CLYBL: variants seen among roughly 807,000 people sequenced by gnomAD.
CLYBL encodes citramalyl-CoA lyase, also known as citramalyl-CoA lyase, mitochondrial.
In CLYBL, 31 loss-of-function variants were observed where a neutral mutation model predicts 38.9. That is an observed-to-expected ratio of 0.80 (90% CI 0.60 to 1.08). The LOEUF is 1.08. Among genes scored for constraint, CLYBL ranks in the 50% least tolerant of loss-of-function variants. The pLI is 0.00. For synonymous variants in CLYBL, 171 were observed against 158.6 expected, an observed-to-expected ratio of 1.08 and a Z score of -0.59; for missense variants, 434 against 411.6, an observed-to-expected ratio of 1.05 and a Z score of -0.47.
chr13:99,788,276 C>G (rs1404825702), intron 2 of CLYBL, among the ~76,000 whole-genome samples: 3 of 152,136 alleles, frequency 2.0e-5, no homozygotes, highest in Admixed American at 2.0e-4. Context: ...CTGTCTTGTG[C>G]CAGTTTTCAA....
chr13:99,813,292 C>G (rs992595411), intron 2 of CLYBL, among the ~76,000 whole-genome samples: 2 of 152,188 alleles, frequency 1.3e-5, no homozygotes, highest in African/African-American at 4.8e-5. Context: ...TCATTTGCAT[C>G]TGACATTAAT....
intron 1 of CLYBL, among the ~76,000 whole-genome samples, chr13:99,757,560 ATTC>A (rs1566314576): frequency 1.3e-5 from 2 of 152,056 alleles, no homozygotes; most frequent in Non-Finnish European, 2.9e-5. Flanking sequence ...GGTTCAAGTG[ATTC>A]TCCTGCCTTG....
chr13:99,707,379 C>T (rs1307029995), intron 1 of CLYBL, among the ~76,000 whole-genome samples: 1 of 152,076 alleles, frequency 6.6e-6, no homozygotes, highest in Admixed American at 6.6e-5. Context: ...AAGCAATTCT[C>T]CTGCCTCAGC....
chr13:99,897,109 A>T (rs117962890), downstream of CLYBL: 4,569 of 152,334 alleles, frequency 0.03, 104 homozygotes, highest in South Asian at 0.055. Context: ...ATTAGGAATT[A>T]AAAACGTTTG....
intron 1 of CLYBL, among the ~76,000 whole-genome samples, chr13:99,607,940 C>T (rs1293541516): frequency 1.3e-5 from 2 of 151,942 alleles, no homozygotes; most frequent in East Asian, 1.9e-4. Flanking sequence ...GACAGAGTTT[C>T]GCCATGTTGG....
chr13:99,791,802 G>C (rs1350339370), intron 2 of CLYBL, among the ~76,000 whole-genome samples: 3 of 152,156 alleles, frequency 2.0e-5, no homozygotes, highest in African/African-American at 7.2e-5. Flanking sequence ...TCAAGTCTCT[G>C]GTGATTGATT....
At chr13:99,691,597 C>A (rs796121889) in intron 1 of CLYBL, among the ~76,000 whole-genome samples, 4 of 151,392 alleles carry the variant, frequency 2.6e-5, no homozygotes, top group South Asian at 2.1e-4. Context: ...AAAAAAAAAA[C>A]CAAAAAACAA....
At chr13:99,784,890 A>AT (rs918879099) in intron 2 of CLYBL, among the ~76,000 whole-genome samples, 11 of 151,316 alleles carry the variant, frequency 7.3e-5, no homozygotes, top group Non-Finnish European at 1.0e-4. Context: ...ATCCTTTGAC[A>AT]TTTTTTTTTG....
intron 2 of CLYBL, among the ~76,000 whole-genome samples, chr13:99,824,960 A>T (rs2139048487): frequency 6.6e-6 from 1 of 152,160 alleles, no homozygotes; most frequent in East Asian, 1.9e-4. Context: ...CCCACTCTTC[A>T]TTGGGCAGAG....
downstream of CLYBL, among the ~76,000 whole-genome samples, chr13:99,899,004 T>G (rs1353664629): frequency 6.6e-6 from 1 of 152,186 alleles, no homozygotes; most frequent in Non-Finnish European, 1.5e-5. Flanking sequence ...CCTCCTCCAC[T>G]TAGGTTCTGA....
At chr13:99,668,413 C>T (rs1301212826) in intron 1 of CLYBL, among the ~76,000 whole-genome samples, 2 of 152,106 alleles carry the variant, frequency 1.3e-5, no homozygotes, top group Non-Finnish European at 2.9e-5. Context: ...GGTGAAACCC[C>T]ATCTCTATTA....
chr13:99,907,476 G>A (rs914996111), intron 9 of CLYBL, among the ~76,000 whole-genome samples: 3 of 151,880 alleles, frequency 2.0e-5, no homozygotes, highest in Non-Finnish European at 2.9e-5. Context: ...GTTAGCAATT[G>A]TAGTGTTTGG....
chr13:99,769,181 T>G (rs1211503232), intron 1 of CLYBL, among the ~76,000 whole-genome samples: 3 of 152,336 alleles, frequency 2.0e-5, no homozygotes, highest in Admixed American at 6.5e-5. Flanking sequence ...TCCAGGAACA[T>G]GGGCACAGCT....
At chr13:99,771,639 G>A (rs1225630312) in intron 1 of CLYBL, among the ~76,000 whole-genome samples, 2 of 152,164 alleles carry the variant, frequency 1.3e-5, no homozygotes, top group East Asian at 3.8e-4. Flanking sequence ...AACAGGCAAG[G>A]GTGGTGGTAA....
At position 99,652,485 on chromosome 13, in the gene CLYBL, A is replaced by G. The variant is rs370804905; in HGVS notation, c.62+45728A>G. Among the ~76,000 whole-genome samples, 263 of 152,226 alleles carry G rather than the reference A, an allele frequency of 1.7e-3. 1 individual carries two copies. The highest frequency in any genetic ancestry group is 5.9e-3 in the African/African-American group (246 of 41,532). ...CACTTTGGGAGGCTGAAGCGGGTGGATCACTTGCACTCAGGAGTTTGAGAC... is the reference window on the plus strand; with the variant it reads ...CACTTTGGGAGGCTGAAGCGGGTGGGTCACTTGCACTCAGGAGTTTGAGAC... On this transcript the variant is annotated intron_variant, in intron 1 of 8. Transcript: ENST00000339105.
At chr13:99,785,191 CTTTTTTTTT>C (rs58550861) in intron 2 of CLYBL, among the ~76,000 whole-genome samples, 22 of 34,212 alleles carry the variant, frequency 6.4e-4, no homozygotes, top group Admixed American at 1.2e-3. Flanking sequence ...CCCCGCCTGG[CTTTTTTTTT>C]TTTTTTTTTT....
intron 1 of CLYBL, among the ~76,000 whole-genome samples, chr13:99,695,490 A>G (rs2047964898): frequency 6.6e-6 from 1 of 151,994 alleles, no homozygotes; most frequent in Non-Finnish European, 1.5e-5. Flanking sequence ...GCCCGTTCAG[A>G]TTCTTCTTGG....
At chr13:99,852,369 G>A (rs2051353127) in intron 2 of CLYBL, among the ~76,000 whole-genome samples, 2 of 152,148 alleles carry the variant, frequency 1.3e-5, no homozygotes, top group South Asian at 2.1e-4. Context: ...CTCCCAAGCA[G>A]CTGAGACTAC....
At chr13:99,761,080 G>C (rs962264975) in intron 1 of CLYBL, among the ~76,000 whole-genome samples, 1 of 152,188 alleles carries the variant, frequency 6.6e-6, no homozygotes, top group Non-Finnish European at 1.5e-5. Flanking sequence ...GGGGCTGGAT[G>C]CAGTGGCTCA....
Sources: gnomAD v4.1 joint callset for allele counts (sites outside exome capture counted in the v4.1 genomes callset) on GRCh38, gnomAD v4.1.1 for gene constraint, MANE v1.5 for transcripts, NCBI Gene and HGNC (gene_info 2026-07-23, HGNC 2026-07-21) for gene names.